Variants in RBM39 observed in about 807,000 individuals in gnomAD.
The protein encoded by RBM39 is RNA binding motif protein 39, also known as RNA-binding protein 39.
In RBM39, 12 loss-of-function variants were observed where a neutral mutation model predicts 79.6. That is an observed-to-expected ratio of 0.15 (90% CI 0.10 to 0.24). The LOEUF is 0.24. RBM39 is among the 10% of genes least tolerant of loss of function. The pLI, the probability that RBM39 is intolerant of heterozygous loss-of-function variation, is 1.00. For synonymous variants in RBM39, 185 were observed against 208.4 expected (o/e 0.89, Z 0.97); for missense variants, 243 against 653.4 (o/e 0.37, Z 6.85).
intron 3 of RBM39, chr20:35,734,978 C>A: frequency 1.9e-6 from 3 of 1,610,724 alleles, no homozygotes; most frequent in Non-Finnish European, 2.5e-6. Flanking sequence ...TGGGCTGGGC[C>A]TTTGGACTTT....
In RBM39 at chr20:35,739,026, G is replaced by A. The variant is rs1282282182; in HGVS notation, c.52-9C>T. On this transcript the variant is annotated splice_polypyrimidine_tract_variant and intron_variant, in intron 2 of 16. Coordinates refer to ENST00000253363, the MANE Select transcript of RBM39 (RefSeq NM_184234.3). ...CTCAACTTGTTCTCATCCTAAGCAG[G>A]GTTGATAGAAGAACATCATGAGGAC... 6.2e-7 allele frequency: 1 copy of A among 1,609,626 alleles called. No homozygotes were observed. Among genetic ancestry groups the A allele is most frequent in the Admixed American group, 1.7e-5 (1 of 59,988 alleles).
intron 6 of RBM39, 123 bp downstream of exon 6, chr20:35,729,188 GA>G: frequency 1.4e-6 from 1 of 715,920 alleles, no homozygotes; most frequent in South Asian, 2.7e-5. Context: ...TAAAGTACTG[GA>G]AGTGCAAAAG....
chr20:35,715,640 G>C (rs1392905724), intron 10 of RBM39, among the ~76,000 whole-genome samples: 1 of 152,164 alleles, frequency 6.6e-6, no homozygotes, highest in African/African-American at 2.4e-5. Context: ...TCAATTATAT[G>C]AATAGCTGGC....
intron 2 of RBM39, chr20:35,740,451 T>G (rs1160203220): frequency 2.2e-6 from 2 of 904,122 alleles, no homozygotes; most frequent in Non-Finnish European, 3.2e-6. Context: ...TATACCAAAC[T>G]GGAGGTGGTA....
intron 11 of RBM39, 76 bp downstream of exon 11, chr20:35,714,109 C>T: frequency 7.0e-7 from 1 of 1,426,296 alleles, no homozygotes; most frequent in Admixed American, 1.9e-5. Context: ...TTTTCCCTTT[C>T]TTAGTTTACA....
At chr20:35,723,289 C>T (rs1003464901) in intron 8 of RBM39, among the ~76,000 whole-genome samples, 11 of 151,132 alleles carry the variant, frequency 7.3e-5, no homozygotes. Flanking sequence ...TCTCTTGTAA[C>T]AAACTAGAGT....
In RBM39 at chr20:35,720,159, AATT is replaced by A. The variant is rs1191435909; in HGVS notation, c.825+1578_825+1580del. The A allele has an allele frequency of 1.9e-5, 3 of 154,836 alleles. No individual in the cohort carries two copies. The East Asian group carries it at 5.8e-4, about 30-fold the overall frequency. The allele number at this position is 154,836 out of a possible 1,614,324, so 9.6% of individuals were successfully genotyped here. On this transcript the variant is annotated intron_variant, in intron 9 of 16. Coordinates refer to ENST00000253363, the MANE Select transcript of RBM39 (RefSeq NM_184234.3). ...CTTTTAAATTTATGCCTTTTGCTAA[AATT>A]ATTGAGTGGAAAAGGTTCATTCCTC... is the stretch of plus-strand genomic sequence containing the variant.
intron 1 of RBM39, 67 bp from the exon 2 acceptor site, chr20:35,740,954 T>A (rs553401588): frequency 8.6e-7 from 1 of 1,159,650 alleles, no homozygotes. Flanking sequence ...AGTTTCACTC[T>A]TGTTGCCTAT....
chr20:35,741,840 C>G (rs2040578044), intron 1 of RBM39, 101 bp downstream of exon 1: 1 of 158,296 alleles, frequency 6.3e-6, no homozygotes, highest in African/African-American at 2.4e-5. Flanking sequence ...AAACCACCCC[C>G]CACCCCGGTC....
At chr20:35,739,146 C>T in intron 2 of RBM39, 129 bp from the exon 3 acceptor site, 1 of 822,154 alleles carries the variant, frequency 1.2e-6, no homozygotes, top group Non-Finnish European at 2.0e-6. Flanking sequence ...TATAGTTTAA[C>T]ATGGAAGGCT....
At position 35,724,678 on chromosome 20, in the gene RBM39, G is replaced by C; in HGVS notation, c.579C>G (p.Ser193=). ...CGAACTCCACATAAGCAATTCCTTTGGAACGTCTTGAATTTCTGTCAGAAA... is the reference window on the plus strand; with the variant it reads ...CGAACTCCACATAAGCAATTCCTTTCGAACGTCTTGAATTTCTGTCAGAAA... ...RMISDRNSRR[S]KGIAYVEFVD... The change falls in exon 8 of 17, where the codon TCC becomes TCG. Residue 193 remains serine, a synonymous_variant. Transcript: ENST00000253363. 6.2e-7 allele frequency: 1 copy of C among 1,613,992 alleles called. No individual in the cohort carries two copies. The highest frequency in any genetic ancestry group is 8.5e-7 in the Non-Finnish European group (1 of 1,179,944).
intron 10 of RBM39, among the ~76,000 whole-genome samples, chr20:35,715,885 T>G (rs2037060178): frequency 7.7e-6 from 1 of 129,442 alleles, no homozygotes; most frequent in Admixed American, 7.1e-5. Flanking sequence ...TCTCTCTTCC[T>G]CTCCCTCTCT....
chr20:35,725,508 T>A (rs2038539911), intron 6 of RBM39, among the ~76,000 whole-genome samples: 1 of 152,188 alleles, frequency 6.6e-6, no homozygotes, highest in South Asian at 2.1e-4. Flanking sequence ...CTCGAACTCC[T>A]GACCTCAGAT....
chr20:35,710,096 A>G (rs2146506192), intron 12 of RBM39, among the ~76,000 whole-genome samples: 1 of 152,350 alleles, frequency 6.6e-6, no homozygotes, highest in Non-Finnish European at 1.5e-5. Flanking sequence ...AGTCTGCCAC[A>G]GTGCTATAAT....
intron 13 of RBM39, chr20:35,709,016 T>G (rs2036092358): frequency 4.5e-6 from 2 of 444,830 alleles, no homozygotes; most frequent in South Asian, 8.5e-5. Flanking sequence ...AAAAAAATTG[T>G]TATTTTGATT....
intron 3 of RBM39, 62 bp downstream of exon 3, chr20:35,738,906 C>T: frequency 7.0e-7 from 1 of 1,418,758 alleles, no homozygotes; most frequent in Non-Finnish European, 9.9e-7. Flanking sequence ...AGGAACACAA[C>T]TTAAGGTCTA....
In RBM39 at chr20:35,704,262, C is replaced by A. The variant is rs1280614976; in HGVS notation, c.*219G>T. On this transcript the variant is annotated 3_prime_UTR_variant, in exon 17 of 17. Coordinates refer to ENST00000253363, the MANE Select transcript of RBM39 (RefSeq NM_184234.3). The stretch of plus-strand genomic sequence containing the variant: ...TTTTCTACATGAACATTTTAAAAGG[C>A]AGAACAAGAGAACAGTTTTGTATAC... 2.7e-6 allele frequency: 1 copy of A among 366,572 alleles called. No individual in the cohort carries two copies. The highest frequency in any genetic ancestry group is 4.3e-5 in the Admixed American group (1 of 23,070). The allele number at this position is 366,572 out of a possible 1,614,324, so 22.7% of individuals were successfully genotyped here. A position where few individuals can be genotyped will look rare whatever the true frequency, so the allele number is the denominator to read the frequency against.
chr20:35,727,891 C>T (rs1050433359), intron 6 of RBM39, among the ~76,000 whole-genome samples: 12 of 152,150 alleles, frequency 7.9e-5, no homozygotes, highest in Admixed American at 5.2e-4. Flanking sequence ...TCAGGTGATC[C>T]GCCTGCCTCG....
intron 8 of RBM39, 92 bp downstream of exon 8, chr20:35,724,478 G>T: frequency 8.5e-7 from 1 of 1,183,196 alleles, no homozygotes; most frequent in Non-Finnish European, 1.1e-6. Context: ...AACGTAATGA[G>T]CAGCAGTCAC....
Sources: gnomAD v4.1 joint callset for allele counts (sites outside exome capture counted in the v4.1 genomes callset) on GRCh38, gnomAD v4.1.1 for gene constraint, MANE v1.5 for transcripts, NCBI Gene and HGNC (gene_info 2026-07-23, HGNC 2026-07-21) for gene names.